The following GAS2L2 variants were observed in gnomAD, a reference collection of about 807,000 sequenced individuals.
GAS2L2 encodes GAS2-like protein 2.
Under a neutral mutation model 35.2 loss-of-function variants are expected in GAS2L2, and 21 were observed. That is an observed-to-expected ratio of 0.60 (90% CI 0.42 to 0.86). GAS2L2 has a LOEUF of 0.86. Ranked by LOEUF, GAS2L2 falls within the 40% of genes least tolerant of loss-of-function variation. The probability of loss-of-function intolerance (pLI) is 0.00; values close to 1 mark genes in which losing one functional copy is unlikely to be tolerated. For missense variants in GAS2L2, 1,169 were observed against 1,144.4 expected (o/e 1.02, Z -0.31); for synonymous variants, 490 against 473.2 (o/e 1.04, Z -0.46).
intron 3 of GAS2L2, among the ~76,000 whole-genome samples, chr17:35,748,385 GCCAC>G (rs1555599324): frequency 6.6e-6 from 1 of 152,220 alleles, no homozygotes; most frequent in Non-Finnish European, 1.5e-5. Context: ...GGGAAGTGGG[GCCAC>G]AGGTTCTTGC....
chr17:35,752,591 G>A lies in GAS2L2; in HGVS notation c.260C>T (p.Ala87Val), dbSNP rs1432218912. Residue 87 changes from alanine (A) to valine (V), a missense_variant, in exon 1 of 6, where the codon GCC becomes GTC. By Grantham distance (64) the Ala-to-Val change is moderately conservative. Transcript: ENST00000604641. ...LAFLAEAPAQ[A>V]QKIPMPRVGV... ...GACCCGGGGCATGGGAATCTTCTGG[G>A]CTTGGGCAGGTGCCTCAGCCAGGAA... 6.2e-7 allele frequency: 1 copy of A among 1,613,948 alleles called. No individual in the cohort carries two copies.
At chr17:35,746,941 A>C in intron 5 of GAS2L2, 75 bp downstream of exon 5, 1 of 1,429,590 alleles carries the variant, frequency 7.0e-7, no homozygotes, top group Middle Eastern at 1.9e-4. Flanking sequence ...TGCTCCTTTT[A>C]TCTTGGAGTG....
At chr17:35,751,848 C>CTTTTTTTTT (rs587677612) in intron 1 of GAS2L2, among the ~76,000 whole-genome samples, 2 of 99,992 alleles carry the variant, frequency 2.0e-5, no homozygotes, top group African/African-American at 9.7e-5. Context: ...CTCTCTCTCT[C>CTTTTTTTTT]TTTTTTTTTT....
rs782730530 is a variant in GAS2L2 at position 35,746,136 on chromosome 17, C to A, written c.1361G>T (p.Gly454Val). ...AAAGGAACGAGGCAGGGGAGATGGT[C>A]CTCTTGCTGATATCCCTTTGGTGGT... is the stretch of plus-strand genomic sequence containing the variant. ...EATTKGISAR[G>V]PSPLPRSFGP... Residue 454 changes from glycine (G) to valine (V), a missense_variant, in exon 6 of 6, where the codon GGA becomes GTA. By Grantham distance (109) the Gly-to-Val change is moderately radical (BLOSUM62 -3). This residue lies in a region of GAS2L2 where 1,035 missense variants were observed against 976.5 expected (regional missense o/e 1.06). Transcript: ENST00000604641. 1 of 1,507,796 alleles carries A rather than the reference C, an allele frequency of 6.6e-7. No homozygotes were observed. Among genetic ancestry groups the A allele is most frequent in the Non-Finnish European group, 8.9e-7 (1 of 1,128,128 alleles). The allele number at this position is 1,507,796 out of a possible 1,614,324, so 93.4% of individuals were successfully genotyped here. A position where few individuals can be genotyped will look rare whatever the true frequency, so the allele number is the denominator to read the frequency against.
In GAS2L2 at chr17:35,747,949, A is replaced by AG; in HGVS notation, c.736-5dup. 1 of 1,611,582 alleles carries AG rather than the reference A, an allele frequency of 6.2e-7. No homozygotes were observed. Among genetic ancestry groups the AG allele is most frequent in the Non-Finnish European group, 8.5e-7 (1 of 1,178,354 alleles). The stretch of plus-strand genomic sequence containing the variant: ...CCATCACATGGTTCCGGAGGATCTG[A>AG]GGGGGCAAGGGTGAGGTTAAGGGCG... On this transcript the variant is annotated splice_region_variant and splice_polypyrimidine_tract_variant and intron_variant, in intron 3 of 5. Transcript: ENST00000604641.
In GAS2L2 at chr17:35,752,486, C is replaced by T. The variant is rs781984212; in HGVS notation, c.365G>A (p.Arg122Gln). The change falls in exon 1 of 6, where the codon CGA becomes CAA. Residue 122 changes from arginine to glutamine, a missense_variant. Transcript: ENST00000604641. ...GTTACCTTGGATGCCCATCTCCTTT[C>T]GACACCACTGGATGAAGTTAGAGAC... ...DNVSNFIQWC[R>Q]KEMGIQEVLM... 4.4e-6 allele frequency: 7 copies of T among 1,587,020 alleles called. No homozygotes were observed. Among genetic ancestry groups the T allele is most frequent in the Admixed American group, 3.4e-5 (2 of 58,918 alleles).
Position 35,746,073 on chromosome 17 carries a change from C to A in GAS2L2, c.1424G>T (p.Arg475Leu). 2 of 1,520,750 alleles carry A rather than the reference C, an allele frequency of 1.3e-6. No individual in the cohort carries two copies. Among genetic ancestry groups the A allele is most frequent in the Admixed American group, 2.2e-5 (1 of 45,550 alleles). The allele number at this position is 1,520,750 out of a possible 1,614,324, so 94.2% of individuals were successfully genotyped here. The change falls in exon 6 of 6, where the codon CGG (arginine) becomes CTG (leucine). Residue 475 changes from arginine (R) to leucine (L), a missense_variant. Physicochemically the swap from Arg to Leu is moderately radical, Grantham distance 102. Transcript: ENST00000604641. ...GAAGAACGCACCCTTGGCCTCATCCCGGAGTGGCAGCCTGAGGCCCAGGCA... is the reference window on the plus strand; with the variant it reads ...GAAGAACGCACCCTTGGCCTCATCCAGGAGTGGCAGCCTGAGGCCCAGGCA... ...AECLGLRLPL[R>L]DEAKGAFFQF...
chr17:35,745,374 C>A lies in GAS2L2; in HGVS notation c.2123G>T (p.Ser708Ile). Residue 708 changes from serine to isoleucine, a missense_variant, in exon 6 of 6, where the codon AGC becomes ATC. By Grantham distance (142) the Ser-to-Ile change is moderately radical. Transcript: ENST00000604641. ...CATGTGGGTGCCCTTGGCACTCAGG[C>A]TTGCCTTTGTCCTGGGCCCACTCTG... The part of the protein sequence containing the change: ...ARQSGPRTKA[S>I]LSAKGTHMRK... 6.3e-7 allele frequency: 1 copy of A among 1,592,642 alleles called. No individual in the cohort carries two copies. The highest frequency in any genetic ancestry group is 1.1e-5 in the South Asian group (1 of 87,762).
Position 35,747,874 on chromosome 17 carries a change from A to G in GAS2L2, c.807T>C (p.His269=). ...AGAGGGATGTGCAGCGGCAGGGGTCATGTTTGTCCAGGTAATGGCCCAGTG... is the reference window on the plus strand; with the variant it reads ...AGAGGGATGTGCAGCGGCAGGGGTCGTGTTTGTCCAGGTAATGGCCCAGTG... ...WDTLGHYLDK[H]DPCRCTSLSH... Residue 269 remains histidine (H), a synonymous_variant, in exon 4 of 6, where the codon CAT becomes CAC. Coordinates refer to ENST00000604641, the MANE Select transcript of GAS2L2 (RefSeq NM_139285.4). 1 of 1,613,768 alleles carries G rather than the reference A, an allele frequency of 6.2e-7. No homozygotes were observed. The highest frequency in any genetic ancestry group is 1.1e-5 in the South Asian group (1 of 91,042).
chr17:35,744,658 C>A lies in GAS2L2; in HGVS notation c.*196G>T. On this transcript the variant is annotated 3_prime_UTR_variant, in exon 6 of 6. Coordinates refer to ENST00000604641, the MANE Select transcript of GAS2L2 (RefSeq NM_139285.4). ...TGGTCCTACTGCCCCTGGCCTACCT[C>A]TGGAGTTGGAGTGAGAGCAGTGGGT... is the stretch of plus-strand genomic sequence containing the variant. 1.7e-6 allele frequency: 1 copy of A among 588,444 alleles called. No homozygotes were observed. The highest frequency in any genetic ancestry group is 2.2e-5 in the South Asian group (1 of 45,414). The allele number at this position is 588,444 out of a possible 1,614,324, so 36.5% of individuals were successfully genotyped here.
Position 35,745,603 on chromosome 17 carries a change from G to A in GAS2L2, c.1894C>T (p.Arg632Cys), listed in dbSNP as rs782113680. Residue 632 changes from arginine (R) to cysteine (C), a missense_variant, in exon 6 of 6, where the codon CGC (arginine) becomes TGC (cysteine). Coordinates refer to ENST00000604641, the MANE Select transcript of GAS2L2 (RefSeq NM_139285.4). ...PQGTRSGVIP[R>C]SGVYIPRLAG... is the part of the protein sequence containing the mutation. Reference sequence around the variant, plus strand: ...AGCCTGGGGATGTAGACCCCACTGCGAGGGATGACCCCAGACCTTGTGCCC... The same window carrying A: ...AGCCTGGGGATGTAGACCCCACTGCAAGGGATGACCCCAGACCTTGTGCCC... 37 of 1,613,796 alleles carry A rather than the reference G, an allele frequency of 2.3e-5. No homozygotes were observed. The highest frequency in any genetic ancestry group is 2.0e-4 in the East Asian group (9 of 44,886).
chr17:35,749,056 G>T, intron 3 of GAS2L2, 54 bp downstream of exon 3: 1 of 1,163,190 alleles, frequency 8.6e-7, no homozygotes, highest in Non-Finnish European at 1.3e-6. Flanking sequence ...ATTGTCCCAA[G>T]CCTGGGCAAG....
At chr17:35,751,186 C>G (rs1201828292) in intron 1 of GAS2L2, among the ~76,000 whole-genome samples, 1 of 152,136 alleles carries the variant, frequency 6.6e-6, no homozygotes, top group East Asian at 1.9e-4. Context: ...CCTACAAGCC[C>G]CAGCATGATG....
chr17:35,745,215 G>T lies in GAS2L2; in HGVS notation c.2282C>A (p.Thr761Asn). 6.2e-7 allele frequency: 1 copy of T among 1,607,006 alleles called. No homozygotes were observed. Among genetic ancestry groups the T allele is most frequent in the Non-Finnish European group, 8.5e-7 (1 of 1,175,198 alleles). The part of the protein sequence containing the change: ...AKACLSKGRR[T>N]LRKPKRVPSI... The stretch of plus-strand genomic sequence containing the variant: ...CGGGACCCTCTTGGGCTTCCGGAGA[G>T]TTCTCCTGCCCTTGCTCAGACATGC... The change falls in exon 6 of 6, where the codon ACT becomes AAT. Residue 761 changes from threonine to asparagine, a missense_variant. Physicochemically the swap from Thr to Asn is moderately conservative, Grantham distance 65. This residue lies in a region of GAS2L2 where 1,035 missense variants were observed against 976.5 expected (regional missense o/e 1.06). Transcript: ENST00000604641.
rs1555599076 is a variant in GAS2L2 at position 35,747,073 on chromosome 17, G to C, written c.1028C>G (p.Pro343Arg). 6.2e-7 allele frequency: 1 copy of C among 1,610,700 alleles called. No individual in the cohort carries two copies. Among genetic ancestry groups the C allele is most frequent in the South Asian group, 1.1e-5 (1 of 90,790 alleles). The change falls in exon 5 of 6, where the codon CCC becomes CGC. Residue 343 changes from proline (P) to arginine (R), a missense_variant. Pro to Arg is a moderately radical substitution (Grantham distance 103, BLOSUM62 -2). Transcript: ENST00000604641. ...CGTCCCTGCTCCCCGTTCCCTGCGG[G>C]GTCTGGGGGAGGATGGGGTGGGGGG... ...LRPPTPSSPRPRRERGAGTGA... is the reference protein window; with the variant it reads ...LRPPTPSSPRRRRERGAGTGA...
In GAS2L2 at chr17:35,744,795, ATCC is replaced by A; in HGVS notation, c.*56_*58del. The A allele has an allele frequency of 1.6e-6, 2 of 1,288,718 alleles. No homozygotes were observed. The highest frequency in any genetic ancestry group is 2.2e-6 in the Non-Finnish European group (2 of 927,228). The allele number at this position is 1,288,718 out of a possible 1,614,324, so 79.8% of individuals were successfully genotyped here. A position where few individuals can be genotyped will look rare whatever the true frequency, so the allele number is the denominator to read the frequency against. On this transcript the variant is annotated 3_prime_UTR_variant, in exon 6 of 6. Coordinates refer to ENST00000604641, the MANE Select transcript of GAS2L2 (RefSeq NM_139285.4). ...ATCCCTTCTGTTCCCGCAGCTGTGAATCCAGTGTATACATGGCCATCCTTTTTG... is the reference window on the plus strand; with the variant it reads ...ATCCCTTCTGTTCCCGCAGCTGTGAAAGTGTATACATGGCCATCCTTTTTG...
At position 35,747,092 on chromosome 17, in the gene GAS2L2, T is replaced by TG. The variant is rs782569127; in HGVS notation, c.1008dup (p.Thr337HisfsTer74). ...CTGCGGGGTCTGGGGGAGGATGGGG[T>TG]GGGGGGCCTCAGCCTTCGGTCTGAA... is the stretch of plus-strand genomic sequence containing the variant. On this transcript the variant is annotated frameshift_variant, in exon 5 of 6. Coordinates refer to ENST00000604641, the MANE Select transcript of GAS2L2 (RefSeq NM_139285.4). LOFTEE classifies it high-confidence loss of function. 8.1e-6 allele frequency: 13 copies of TG among 1,610,688 alleles called. No homozygotes were observed. Among genetic ancestry groups the TG allele is most frequent in the Middle Eastern group, 1.7e-4 (1 of 5,966 alleles).
intron 3 of GAS2L2, among the ~76,000 whole-genome samples, chr17:35,748,548 G>A (rs1301931671): frequency 1.9e-4 from 29 of 152,242 alleles, no homozygotes; most frequent in Non-Finnish European, 4.0e-4. Context: ...CGTTTCTGGT[G>A]AGGCACAGCC....
At chr17:35,747,610 C>G (rs1427069413) in intron 4 of GAS2L2, among the ~76,000 whole-genome samples, 1 of 152,158 alleles carries the variant, frequency 6.6e-6, no homozygotes, top group Admixed American at 6.5e-5. Context: ...CTAAGCTCTG[C>G]TAAAATGCAC....
Sources: allele counts gnomAD v4.1 joint callset (sites outside exome capture counted in the v4.1 genomes callset), GRCh38; gene constraint gnomAD v4.1.1; regional missense constraint gnomAD v4.1.1; transcripts MANE v1.5; gene names NCBI Gene and HGNC (gene_info 2026-07-23, HGNC 2026-07-21).